KITLG: variants seen among roughly 807,000 people sequenced by gnomAD.
KITLG encodes c-Kit ligand.
Under a neutral mutation model 34.1 loss-of-function variants are expected in KITLG, and 13 were observed. The ratio of observed to expected loss-of-function variants is 0.38; its 90% CI spans 0.25 to 0.61. KITLG has a LOEUF of 0.61. Among genes scored for constraint, KITLG ranks in the 20% least tolerant of loss-of-function variants. The probability of loss-of-function intolerance (pLI) is 0.60; values close to 1 mark genes in which losing one functional copy is unlikely to be tolerated. For missense variants in KITLG, 292 were observed against 318.9 expected (o/e 0.92, Z 0.64); for synonymous variants, 110 against 104.0 (o/e 1.06, Z -0.35).
At chr12:88,556,951 T>C (rs1433953619) in intron 1 of KITLG, among the ~76,000 whole-genome samples, 1 of 152,180 alleles carries the variant, frequency 6.6e-6, no homozygotes, top group East Asian at 1.9e-4. Context: ...CAGTTGCCAT[T>C]GAGTTGATGG....
intron 3 of KITLG, among the ~76,000 whole-genome samples, chr12:88,520,408 G>A (rs1162732347): frequency 6.6e-6 from 1 of 152,156 alleles, no homozygotes; most frequent in Non-Finnish European, 1.5e-5. Context: ...CCTAGGATAT[G>A]GAACACAGCA....
intron 1 of KITLG, among the ~76,000 whole-genome samples, chr12:88,565,641 AC>A (rs1326413994): frequency 6.6e-6 from 1 of 152,172 alleles, no homozygotes; most frequent in Non-Finnish European, 1.5e-5. Context: ...AAAGAAACAA[AC>A]AAACAAAATC....
At chr12:88,515,034 TAAC>T (rs1203065633) in intron 6 of KITLG, among the ~76,000 whole-genome samples, 1 of 151,748 alleles carries the variant, frequency 6.6e-6, no homozygotes. Context: ...TGTGGTAAAA[TAAC>T]AAAATCATCA....
chr12:88,507,662 C>A (rs554284717), intron 6 of KITLG, among the ~76,000 whole-genome samples: 26 of 152,190 alleles, frequency 1.7e-4, no homozygotes, highest in African/African-American at 6.0e-4. Flanking sequence ...ATGGCTGTTT[C>A]CACGTTCATA....
At chr12:88,548,718 CAG>C (rs1870798378) in intron 1 of KITLG, among the ~76,000 whole-genome samples, 1 of 152,164 alleles carries the variant, frequency 6.6e-6, no homozygotes, top group African/African-American at 2.4e-5. Context: ...TAATACATAT[CAG>C]TGCATGACAT....
intron 6 of KITLG, among the ~76,000 whole-genome samples, chr12:88,510,198 A>C (rs1318009377): frequency 1.3e-5 from 2 of 152,206 alleles, no homozygotes; most frequent in Non-Finnish European, 2.9e-5. Flanking sequence ...ACTTCTTTTT[A>C]GAGTGAGCAT....
chr12:88,538,389 G>A (rs1373531603), intron 2 of KITLG, among the ~76,000 whole-genome samples: 1 of 151,522 alleles, frequency 6.6e-6, no homozygotes, highest in Non-Finnish European at 1.5e-5. Context: ...TCATCTCTGT[G>A]GAAGTTCTAC....
intron 1 of KITLG, among the ~76,000 whole-genome samples, chr12:88,555,573 A>T (rs1269831753): frequency 6.6e-6 from 1 of 152,226 alleles, no homozygotes; most frequent in Non-Finnish European, 1.5e-5. Context: ...CAGAAGGCAT[A>T]TAGGTCTCTT....
intron 1 of KITLG, among the ~76,000 whole-genome samples, chr12:88,558,826 T>C (rs1227888371): frequency 6.6e-6 from 1 of 152,220 alleles, no homozygotes; most frequent in Non-Finnish European, 1.5e-5. Flanking sequence ...ATGAGTGTTA[T>C]ATTGTTAAAG....
At position 88,495,600 on chromosome 12, in the gene KITLG, G is replaced by A. The variant is rs1566015556; in HGVS notation, c.*1619C>T. 6.6e-6 allele frequency: 1 copy of A among 152,534 alleles called. No homozygotes were observed. The highest frequency in any genetic ancestry group is 2.1e-4 in the South Asian group (1 of 4,828). 9.4% of individuals were successfully genotyped at this position (152,534 alleles called of 1,614,324 possible). Reference sequence around the variant, plus strand: ...AAAAAAGAGCAAAGGCCACTTACTGGAGTTGCATCTGGATTTGCTTTGAAC... The same window carrying A: ...AAAAAAGAGCAAAGGCCACTTACTGAAGTTGCATCTGGATTTGCTTTGAAC... On this transcript the variant is annotated 3_prime_UTR_variant, in exon 10 of 10. Coordinates refer to ENST00000644744, the MANE Select transcript of KITLG (RefSeq NM_000899.5).
chr12:88,529,845 G>A (rs1292111458), intron 3 of KITLG, among the ~76,000 whole-genome samples: 2 of 152,194 alleles, frequency 1.3e-5, no homozygotes, highest in South Asian at 2.1e-4. Flanking sequence ...TGCTCTAAAC[G>A]TGGCCTTGTT....
rs766163098 is a variant in KITLG, at chr12:88,493,225, G to T, written c.*3994C>A. On this transcript the variant is annotated 3_prime_UTR_variant, in exon 10 of 10. Coordinates refer to ENST00000644744, the MANE Select transcript of KITLG (RefSeq NM_000899.5). ...CAGAGATCAAGTACTGGAAAACGGTGTGGTTTTTAGTTTAACAGTTGTTTT... is the reference window on the plus strand; with the variant it reads ...CAGAGATCAAGTACTGGAAAACGGTTTGGTTTTTAGTTTAACAGTTGTTTT... The T allele has an allele frequency of 6.6e-6, 1 of 152,276 alleles. No homozygotes were observed. Among genetic ancestry groups the T allele is most frequent in the Non-Finnish European group, 1.5e-5 (1 of 67,858 alleles). The allele number at this position is 152,276 out of a possible 1,614,324, so 9.4% of individuals were successfully genotyped here.
At chr12:88,575,804 T>A (rs2120994091) in intron 1 of KITLG, among the ~76,000 whole-genome samples, 1 of 152,104 alleles carries the variant, frequency 6.6e-6, no homozygotes, top group South Asian at 2.1e-4. Context: ...CCAAATGCCT[T>A]GCCCTAATTT....
chr12:88,516,512 C>T (rs918403868), intron 4 of KITLG, 22 bp from the exon 5 acceptor site: 5 of 1,550,602 alleles, frequency 3.2e-6, no homozygotes, highest in Non-Finnish European at 4.4e-6. Context: ...AATAGGATTA[C>T]ATTTTTCAAA....
chr12:88,557,097 C>T (rs1592583038), intron 1 of KITLG, among the ~76,000 whole-genome samples: 3 of 152,112 alleles, frequency 2.0e-5, no homozygotes, highest in Admixed American at 6.5e-5. Flanking sequence ...AAGTTCACTT[C>T]GGTCTTGGTA....
chr12:88,514,526 T>C (rs1206574466), intron 6 of KITLG, among the ~76,000 whole-genome samples: 2 of 151,710 alleles, frequency 1.3e-5, no homozygotes, highest in South Asian at 2.1e-4. Flanking sequence ...GCACATAATG[T>C]ATAACATATA....
intron 2 of KITLG, among the ~76,000 whole-genome samples, chr12:88,539,724 C>A (rs1022671857): frequency 6.6e-6 from 1 of 151,950 alleles, no homozygotes; most frequent in Non-Finnish European, 1.5e-5. Context: ...GAGTTTGAGA[C>A]CAGACTTGGC....
At chr12:88,502,709 G>C (rs1868908486) in intron 9 of KITLG, among the ~76,000 whole-genome samples, 1 of 152,160 alleles carries the variant, frequency 6.6e-6, no homozygotes, top group Non-Finnish European at 1.5e-5. Flanking sequence ...AAATGTCATG[G>C]GACGAATGTC....
intron 2 of KITLG, among the ~76,000 whole-genome samples, chr12:88,540,258 T>C (rs1484114401): frequency 1.3e-5 from 2 of 152,110 alleles, no homozygotes; most frequent in Non-Finnish European, 2.9e-5. Context: ...CTTAAACTAC[T>C]GGGAAGGCAT....
Sources: allele counts gnomAD v4.1 joint callset (sites outside exome capture counted in the v4.1 genomes callset), GRCh38; gene constraint gnomAD v4.1.1; transcripts MANE v1.5; gene names NCBI Gene and HGNC (gene_info 2026-07-23, HGNC 2026-07-21).